SAMHD1: variants seen among roughly 807,000 people sequenced by gnomAD.
SAMHD1 encodes deoxynucleoside triphosphate triphosphohydrolase SAMHD1.
Under a neutral mutation model 79.6 loss-of-function variants are expected in SAMHD1, and 54 were observed. The observed-to-expected ratio is 0.68, with a 90% CI of 0.55 to 0.85. The LOEUF (loss-of-function observed/expected upper bound fraction) is 0.85. Among genes scored for constraint, SAMHD1 ranks in the 40% least tolerant of loss-of-function variants. The pLI is 0.00. For synonymous variants in SAMHD1, 260 were observed against 264.1 expected (o/e 0.98, Z 0.15); for missense variants, 663 against 782.7 (o/e 0.85, Z 1.82).
Position 36,905,260 on chromosome 20 carries a change from C to G in SAMHD1, c.1410+104G>C, listed in dbSNP as rs184591138. 420 of 1,264,002 alleles carry G rather than the reference C, an allele frequency of 3.3e-4. 1 individual carries two copies. Among genetic ancestry groups the G allele is most frequent in the South Asian group, 2.0e-3 (163 of 83,536 alleles). 78.3% of individuals were successfully genotyped at this position (1,264,002 alleles called of 1,614,324 possible). On this transcript the variant is annotated intron_variant, in intron 12 of 15. Transcript: ENST00000646673. ...ACTGTGAAGATTAAATGAGAATAAA[C>G]GTAAAGCACTTAGTACAGAGTCATA...
chr20:36,941,211 C>T (rs1057078456), intron 2 of SAMHD1, 100 bp from the exon 3 acceptor site: 1 of 800,890 alleles, frequency 1.2e-6, no homozygotes, highest in Non-Finnish European at 2.1e-6. Flanking sequence ...TCTACACTAA[C>T]AGAAGTTAGA....
intron 15 of SAMHD1, 103 bp downstream of exon 15, chr20:36,897,719 A>G: frequency 1.5e-6 from 2 of 1,300,316 alleles, no homozygotes; most frequent in Non-Finnish European, 1.1e-6. Context: ...CCATAACCAA[A>G]TGACTATAAC....
At position 36,893,357 on chromosome 20, in the gene SAMHD1, G is replaced by A. The variant is rs948965038; in HGVS notation, c.1747-291C>T. The stretch of plus-strand genomic sequence containing the variant: ...TATGGCCTCCTTCACACACCTTCAC[G>A]GAGCACAAACTCTGTCCTGTTTTCC... On this transcript the variant is annotated intron_variant, in intron 15 of 15. Transcript: ENST00000646673. The A allele has an allele frequency of 2.1e-5, 10 of 479,532 alleles. No homozygotes were observed. In the East Asian group the frequency reaches 2.8e-4, roughly 14 times the overall value. 29.7% of individuals were successfully genotyped at this position (479,532 alleles called of 1,614,324 possible).
At position 36,935,201 on chromosome 20, in the gene SAMHD1, T is replaced by C; in HGVS notation, c.349-12A>G. 4 of 1,607,474 alleles carry C rather than the reference T, an allele frequency of 2.5e-6. No homozygotes were observed. The highest frequency in any genetic ancestry group is 3.4e-6 in the Non-Finnish European group (4 of 1,174,028). The stretch of plus-strand genomic sequence containing the variant: ...GGATCATTAATTACCTAGAAAATTA[T>C]GTTTAATTAATACAAATAACGACAT... On this transcript the variant is annotated splice_polypyrimidine_tract_variant and intron_variant, in intron 3 of 15. Coordinates refer to ENST00000646673, the MANE Select transcript of SAMHD1 (RefSeq NM_015474.4).
chr20:36,916,017 C>A (rs542935096), intron 9 of SAMHD1, among the ~76,000 whole-genome samples: 1 of 152,014 alleles, frequency 6.6e-6, no homozygotes, highest in Admixed American at 6.6e-5. Context: ...AAAAATTAGC[C>A]GGGCATAGTG....
intron 6 of SAMHD1, among the ~76,000 whole-genome samples, chr20:36,922,688 A>G (rs879257104): frequency 1.3e-5 from 2 of 151,726 alleles, no homozygotes; most frequent in Admixed American, 6.6e-5. Flanking sequence ...CTAAAAACTA[A>G]CTTTCTTTTT....
intron 15 of SAMHD1, among the ~76,000 whole-genome samples, chr20:36,896,842 T>C (rs1326861621): frequency 6.7e-6 from 1 of 149,076 alleles, no homozygotes; most frequent in Non-Finnish European, 1.5e-5. Flanking sequence ...CTCAAAAAAA[T>C]GAATGAATTA....
intron 15 of SAMHD1, among the ~76,000 whole-genome samples, chr20:36,897,303 A>G (rs1243599546): frequency 6.6e-6 from 1 of 152,238 alleles, no homozygotes; most frequent in Non-Finnish European, 1.5e-5. Flanking sequence ...CTGTGCAGAC[A>G]CCTACCATGT....
At chr20:36,899,236 C>T (rs1397778140) in intron 13 of SAMHD1, among the ~76,000 whole-genome samples, 1 of 149,166 alleles carries the variant, frequency 6.7e-6, no homozygotes, top group East Asian at 2.0e-4. Flanking sequence ...CATGGTGAAA[C>T]CCTGTCTCTA....
At chr20:36,903,969 TA>T in intron 13 of SAMHD1, 187 bp downstream of exon 13, 2 of 567,208 alleles carry the variant, frequency 3.5e-6, no homozygotes, top group Non-Finnish European at 6.3e-6. Context: ...ACAATTATAT[TA>T]AAAATAATGG....
At chr20:36,946,132 A>G (rs1367947808) in intron 2 of SAMHD1, among the ~76,000 whole-genome samples, 4 of 151,938 alleles carry the variant, frequency 2.6e-5, no homozygotes, top group Non-Finnish European at 1.5e-5. Flanking sequence ...AAAGTACAAA[A>G]ATCAGTGGGG....
At chr20:36,937,209 C>T (rs1024948319) in intron 3 of SAMHD1, among the ~76,000 whole-genome samples, 2 of 151,652 alleles carry the variant, frequency 1.3e-5, no homozygotes, top group African/African-American at 4.8e-5. Context: ...AAACACTGCA[C>T]TCCCTCTTCA....
chr20:36,912,835 G>A (rs1467342916), intron 9 of SAMHD1, among the ~76,000 whole-genome samples: 1 of 121,784 alleles, frequency 8.2e-6, no homozygotes, highest in Non-Finnish European at 1.6e-5. Flanking sequence ...TCCTACCTCA[G>A]CCTTGCTGGG....
chr20:36,909,832 C>T (rs937892614), intron 11 of SAMHD1, among the ~76,000 whole-genome samples: 2 of 151,744 alleles, frequency 1.3e-5, no homozygotes, highest in Non-Finnish European at 2.9e-5. Flanking sequence ...GTTAAATGGC[C>T]AAGTCAGTTT....
chr20:36,920,911 C>T (rs1015462741), intron 6 of SAMHD1, among the ~76,000 whole-genome samples: 2 of 150,928 alleles, frequency 1.3e-5, no homozygotes, highest in Non-Finnish European at 3.0e-5. Flanking sequence ...AAAGCAAGAC[C>T]CTGTCTCTAC....
At chr20:36,893,394 C>T (rs1044665335) in intron 15 of SAMHD1, 13 of 406,540 alleles carry the variant, frequency 3.2e-5, no homozygotes, top group East Asian at 1.0e-4. Flanking sequence ...AGGAGAAAGA[C>T]GGGATGCACT....
At chr20:36,947,064 T>C (rs897226229) in intron 1 of SAMHD1, 5 of 362,040 alleles carry the variant, frequency 1.4e-5, no homozygotes, top group African/African-American at 8.5e-5. Flanking sequence ...AAAAACCAGT[T>C]GCAAAAAGGA....
intron 4 of SAMHD1, chr20:36,934,553 T>A (rs2063589464): frequency 6.7e-6 from 1 of 149,856 alleles, no homozygotes; most frequent in African/African-American, 2.5e-5. Flanking sequence ...AAGCCTCAAT[T>A]TTCTCATCAA....
intron 1 of SAMHD1, 124 bp downstream of exon 1, chr20:36,951,312 G>C: frequency 7.2e-7 from 1 of 1,379,368 alleles, no homozygotes; most frequent in Non-Finnish European, 9.9e-7. Context: ...CGCCCTCCCG[G>C]GTGCCTCCCG....
Sources: allele counts gnomAD v4.1 joint callset (sites outside exome capture counted in the v4.1 genomes callset), GRCh38; gene constraint gnomAD v4.1.1; transcripts MANE v1.5; gene names NCBI Gene and HGNC (gene_info 2026-07-23, HGNC 2026-07-21).